IL1RN: variants seen among roughly 807,000 people sequenced by gnomAD.
IL1RN encodes the protein interleukin 1 receptor antagonist, also known as interleukin-1 receptor antagonist protein.
A neutral mutation model predicts 13.7 loss-of-function variants in IL1RN; 10 were observed. That is an observed-to-expected ratio of 0.73 (90% CI 0.45 to 1.24). The LOEUF is 1.24. IL1RN is among the 50% of genes most tolerant of loss of function. The pLI is 0.00. For synonymous variants in IL1RN, 102 were observed against 82.7 expected (o/e 1.23, Z -1.27); for missense variants, 213 against 222.1 (o/e 0.96, Z 0.26).
intron 3 of IL1RN, 98 bp from the exon 4 acceptor site, chr2:113,132,558 G>T (rs1417026474): frequency 1.8e-6 from 2 of 1,104,898 alleles, no homozygotes; most frequent in African/African-American, 3.1e-5. Flanking sequence ...ACTAACTCTG[G>T]GCTGTCCAGA....
At chr2:113,121,014 C>CCTT (rs1686756141) in intron 2 of IL1RN, among the ~76,000 whole-genome samples, 4 of 145,198 alleles carry the variant, frequency 2.8e-5, no homozygotes, top group Admixed American at 2.1e-4. Flanking sequence ...TCTTCCTCCT[C>CCTT]CTTCTCCTCT....
At chr2:113,122,985 G>A (rs548238842), upstream of IL1RN, among the ~76,000 whole-genome samples, 9 of 152,190 alleles carry the variant, frequency 5.9e-5, no homozygotes, top group East Asian at 1.5e-3. Flanking sequence ...ATTAGTTGGG[G>A]GTGGTGGCAC....
chr2:113,127,443 C>T, upstream of IL1RN: 1 of 1,395,756 alleles, frequency 7.2e-7, no homozygotes, highest in Non-Finnish European at 9.3e-7. Context: ...TCCATTGCGA[C>T]ACTTAGTGGG....
chr2:113,104,108 C>G (rs1017177931), upstream of IL1RN, among the ~76,000 whole-genome samples: 3 of 151,572 alleles, frequency 2.0e-5, no homozygotes, highest in Non-Finnish European at 2.9e-5. Context: ...TTACATGGTA[C>G]TATGGTTCTA....
At chr2:113,107,423 C>T (rs1558858525), upstream of IL1RN, 1 of 152,120 alleles carries the variant, frequency 6.6e-6, no homozygotes, top group Non-Finnish European at 1.5e-5. Context: ...AAATTGTGTA[C>T]CTATCAAAAA....
Sources: gnomAD v4.1 joint callset for allele counts (sites outside exome capture counted in the v4.1 genomes callset) on GRCh38, gnomAD v4.1.1 for gene constraint, MANE v1.5 for transcripts, NCBI Gene and HGNC (gene_info 2026-07-23, HGNC 2026-07-21) for gene names.